The following GRIA4 variants were observed in gnomAD, a reference collection of about 807,000 sequenced individuals.
GRIA4 encodes the protein glutamate receptor 4.
In GRIA4, 34 loss-of-function variants were observed where a neutral mutation model predicts 104.0. That is an observed-to-expected ratio of 0.33 (90% CI 0.25 to 0.44). GRIA4 has a LOEUF of 0.44. Among genes scored for constraint, GRIA4 ranks in the 20% least tolerant of loss-of-function variants. The pLI, the probability that GRIA4 is intolerant of heterozygous loss-of-function variation, is 1.00. For synonymous variants in GRIA4, 386 were observed against 381.9 expected, an observed-to-expected ratio of 1.01 and a Z score of -0.13; for missense variants, 750 against 1,096.5, an observed-to-expected ratio of 0.68 and a Z score of 4.46.
intron 5 of GRIA4, among the ~76,000 whole-genome samples, chr11:105,883,119 GA>G (rs1178698077): frequency 6.6e-6 from 1 of 151,380 alleles, no homozygotes; most frequent in African/African-American, 2.4e-5. Flanking sequence ...CACACACAGG[GA>G]AAAAAAAGTA....
chr11:105,959,006 T>C (rs1948665056), intron 14 of GRIA4, among the ~76,000 whole-genome samples: 1 of 152,194 alleles, frequency 6.6e-6, no homozygotes, highest in Non-Finnish European at 1.5e-5. Flanking sequence ...CTTCCCTTTG[T>C]AGGTGACCTG....
At chr11:105,668,222 A>AT (rs60354032) in intron 3 of GRIA4, among the ~76,000 whole-genome samples, 61,140 of 136,730 alleles carry the variant, frequency 0.45, 14,231 homozygotes, top group Admixed American at 0.56. Context: ...ACACACATAT[A>AT]ATATATATAT....
chr11:105,786,310 T>A (rs1437227398), intron 4 of GRIA4, among the ~76,000 whole-genome samples: 1 of 152,160 alleles, frequency 6.6e-6, no homozygotes, highest in Non-Finnish European at 1.5e-5. Flanking sequence ...ATAATGAAAG[T>A]GCGGCAATAA....
chr11:105,611,019 A>G lies in GRIA4; in HGVS notation c.22A>G (p.Ile8Val), dbSNP rs780017540. The change falls in exon 2 of 17, where the codon ATT becomes GTT. Residue 8 changes from isoleucine to valine, a missense_variant. By Grantham distance (29) the Ile-to-Val change is conservative. Around this residue, in one of 3 missense-constraint regions of GRIA4, gnomAD observed 410 missense variants for 502.7 expected, o/e 0.82. Coordinates refer to ENST00000282499, the MANE Select transcript of GRIA4 (RefSeq NM_000829.4). MRIISRQ[I>V]VLLFSGFWGL... ...GAAGATGAGGATTATTTCCAGACAGATTGTCTTGTTATTTTCTGGATTTTG... is the reference window on the plus strand; with the variant it reads ...GAAGATGAGGATTATTTCCAGACAGGTTGTCTTGTTATTTTCTGGATTTTG... 6 of 1,612,242 alleles carry G rather than the reference A, an allele frequency of 3.7e-6. No individual in the cohort carries two copies. The highest frequency in any genetic ancestry group is 5.1e-6 in the Non-Finnish European group (6 of 1,179,012).
chr11:105,816,609 C>G (rs1943387082), intron 4 of GRIA4, among the ~76,000 whole-genome samples: 1 of 152,120 alleles, frequency 6.6e-6, no homozygotes, highest in African/African-American at 2.4e-5. Flanking sequence ...ATTACCCAGT[C>G]TCAGATATTT....
At chr11:105,805,162 A>T (rs986439411) in intron 4 of GRIA4, among the ~76,000 whole-genome samples, 3 of 151,860 alleles carry the variant, frequency 2.0e-5, no homozygotes, top group African/African-American at 7.2e-5. Context: ...TCCTTATTCC[A>T]TTTCTGTAAT....
rs67901321 is a variant in GRIA4, at chr11:105,787,472, CTTTTTT to C, written c.487+34268_487+34273del. Among the ~76,000 whole-genome samples, 25 of 98,618 alleles carry C rather than the reference CTTTTTT, an allele frequency of 2.5e-4. 2 individuals carry two copies. Among genetic ancestry groups the C allele is most frequent in the Admixed American group, 1.3e-4 (1 of 7,512 alleles). The allele number at this position is 98,618 out of a possible 152,430, so 64.7% of individuals were successfully genotyped here. On this transcript the variant is annotated intron_variant, in intron 4 of 16. Transcript: ENST00000282499. ...GCAGTCTAAAAGATGTAAAGAATTC[CTTTTTT>C]TTTTTTTTTTTTTTTGAGATGGAGT... is the stretch of plus-strand genomic sequence containing the variant.
chr11:105,648,990 T>C lies in GRIA4; in HGVS notation c.247+36556T>C, dbSNP rs185935490. 3.4e-3 allele frequency among the ~76,000 whole-genome samples: 521 copies of C among 152,302 alleles called. 5 individuals carry two copies. Among genetic ancestry groups the C allele is most frequent in the African/African-American group, 0.012 (484 of 41,562 alleles). The stretch of plus-strand genomic sequence containing the variant: ...TTCCAGCTGGGGCCATCTGGGTCCA[T>C]TGCTCATCACCTTCACTGCCACACT... On this transcript the variant is annotated intron_variant, in intron 3 of 16. Coordinates refer to ENST00000282499, the MANE Select transcript of GRIA4 (RefSeq NM_000829.4).
At chr11:105,752,148 C>A (rs1940034792) in intron 3 of GRIA4, among the ~76,000 whole-genome samples, 1 of 152,004 alleles carries the variant, frequency 6.6e-6, no homozygotes, top group Non-Finnish European at 1.5e-5. Flanking sequence ...TGAGAAGAAT[C>A]TTTTTCTATT....
At chr11:105,744,502 T>G (rs1464754633) in intron 3 of GRIA4, among the ~76,000 whole-genome samples, 1 of 152,136 alleles carries the variant, frequency 6.6e-6, no homozygotes, top group African/African-American at 2.4e-5. Flanking sequence ...CATAAATACT[T>G]GAAGTATCAT....
rs141402103 is a variant in GRIA4 at position 105,698,882 on chromosome 11, G to A, written c.248-54099G>A. 8.3e-3 allele frequency among the ~76,000 whole-genome samples: 1,246 copies of A among 149,672 alleles called. 16 individuals are homozygous for A. The highest frequency in any genetic ancestry group is 0.027 in the African/African-American group (1,112 of 40,686). ...CTTAGTTTTGCAGCTGCAACTGCTA[G>A]TCGCAGAACATGCTGCTATTTAAGG... is the stretch of plus-strand genomic sequence containing the variant. On this transcript the variant is annotated intron_variant, in intron 3 of 16. Transcript: ENST00000282499.
chr11:105,618,763 T>C (rs1417366591), intron 3 of GRIA4, among the ~76,000 whole-genome samples: 1 of 151,752 alleles, frequency 6.6e-6, no homozygotes, highest in African/African-American at 2.4e-5. Flanking sequence ...TGGAAGTGAA[T>C]GAGATCACCC....
At chr11:105,780,264 A>G (rs912606658) in intron 4 of GRIA4, among the ~76,000 whole-genome samples, 15 of 152,358 alleles carry the variant, frequency 9.8e-5, no homozygotes, top group African/African-American at 3.6e-4. Context: ...AGTGCGGGAA[A>G]GAAAGGCAAC....
At chr11:105,623,705 C>T (rs1256604324) in intron 3 of GRIA4, among the ~76,000 whole-genome samples, 1 of 152,038 alleles carries the variant, frequency 6.6e-6, no homozygotes, top group Admixed American at 6.6e-5. Context: ...CCTCTGTAGC[C>T]AAATTTATCC....
At chr11:105,689,126 T>C (rs1397012360) in intron 3 of GRIA4, among the ~76,000 whole-genome samples, 1 of 152,164 alleles carries the variant, frequency 6.6e-6, no homozygotes, top group East Asian at 1.9e-4. Context: ...CCAATAAATA[T>C]ATTTTATGAG....
intron 5 of GRIA4, among the ~76,000 whole-genome samples, chr11:105,883,041 C>T (rs557006596): frequency 1.3e-5 from 2 of 152,094 alleles, no homozygotes; most frequent in Admixed American, 1.3e-4. Flanking sequence ...TTGACCAGCA[C>T]CATGGATATT....
At chr11:105,912,930 G>C (rs1021320660) in intron 10 of GRIA4, 1 of 978,880 alleles carries the variant, frequency 1.0e-6, no homozygotes, top group African/African-American at 1.8e-5. Flanking sequence ...TTTAATATAT[G>C]TGATACCTAT....
At chr11:105,910,887 T>C (rs1177661884) in intron 10 of GRIA4, among the ~76,000 whole-genome samples, 1 of 152,066 alleles carries the variant, frequency 6.6e-6, no homozygotes, top group Admixed American at 6.6e-5. Flanking sequence ...CACATAAATA[T>C]ATCCAGTAGT....
At chr11:105,862,582 CTTACT>C (rs1393975224) in intron 5 of GRIA4, 1 of 179,626 alleles carries the variant, frequency 5.6e-6, no homozygotes, top group Non-Finnish European at 1.2e-5. Context: ...TAGAGGCACA[CTTACT>C]TTAGAGAAGT....
Sources: allele counts gnomAD v4.1 joint callset (sites outside exome capture counted in the v4.1 genomes callset), GRCh38; gene constraint gnomAD v4.1.1; regional missense constraint gnomAD v4.1.1; transcripts MANE v1.5; gene names NCBI Gene and HGNC (gene_info 2026-07-23, HGNC 2026-07-21).